BTBD9: variants seen among roughly 807,000 people sequenced by gnomAD.
BTBD9 encodes BTB domain containing 9.
In BTBD9, 49 loss-of-function variants were observed where a neutral mutation model predicts 64.3. The ratio of observed to expected loss-of-function variants is 0.76; its 90% CI spans 0.61 to 0.97. The LOEUF (loss-of-function observed/expected upper bound fraction) is 0.97, where lower values mean the gene tolerates loss of function less well. Among genes scored for constraint, BTBD9 ranks in the 50% least tolerant of loss-of-function variants. The pLI is 0.00. For missense variants in BTBD9, 598 were observed against 762.1 expected, an observed-to-expected ratio of 0.78 and a Z score of 2.53; for synonymous variants, 260 against 274.7, an observed-to-expected ratio of 0.95 and a Z score of 0.53.
intron 6 of BTBD9, among the ~76,000 whole-genome samples, chr6:38,480,677 G>A (rs998255259): frequency 2.6e-5 from 4 of 152,172 alleles, no homozygotes; most frequent in African/African-American, 9.7e-5. Context: ...ACTGTTCTAA[G>A]TAATGGAAGT....
At chr6:38,587,880 C>T (rs759158643) in intron 4 of BTBD9, 35 of 721,644 alleles carry the variant, frequency 4.9e-5, no homozygotes, top group Admixed American at 8.9e-5. Context: ...AATGTTACGT[C>T]GGCATTTGGC....
At chr6:38,361,979 G>C (rs1254751151) in intron 6 of BTBD9, among the ~76,000 whole-genome samples, 1 of 151,956 alleles carries the variant, frequency 6.6e-6, no homozygotes, top group Admixed American at 6.5e-5. Context: ...TTTCAATGTA[G>C]AGGACCCAAC....
chr6:38,475,230 T>C (rs1421571042), intron 6 of BTBD9, among the ~76,000 whole-genome samples: 1 of 152,206 alleles, frequency 6.6e-6, no homozygotes, highest in African/African-American at 2.4e-5. Context: ...GACTATAAGA[T>C]TATGGGTGAT....
intron 6 of BTBD9, among the ~76,000 whole-genome samples, chr6:38,572,167 A>G (rs1775800271): frequency 6.6e-6 from 1 of 152,104 alleles, no homozygotes; most frequent in South Asian, 2.1e-4. Context: ...TAATTATGTG[A>G]TGTGCTTATT....
chr6:38,598,470 A>C (rs1324300129), intron 1 of BTBD9, among the ~76,000 whole-genome samples: 1 of 152,238 alleles, frequency 6.6e-6, no homozygotes, highest in Non-Finnish European at 1.5e-5. Flanking sequence ...TCTCTTTTAC[A>C]TAGATATATT....
intron 6 of BTBD9, among the ~76,000 whole-genome samples, chr6:38,537,527 C>A (rs1269464850): frequency 6.6e-6 from 1 of 152,174 alleles, no homozygotes; most frequent in Non-Finnish European, 1.5e-5. Flanking sequence ...GTTAATCTTC[C>A]ATTTTAACAC....
At chr6:38,430,756 C>T (rs1768407704) in intron 6 of BTBD9, among the ~76,000 whole-genome samples, 1 of 151,860 alleles carries the variant, frequency 6.6e-6, no homozygotes, top group African/African-American at 2.4e-5. Flanking sequence ...CTCAAGTGAT[C>T]CTCCAGCCTC....
intron 6 of BTBD9, among the ~76,000 whole-genome samples, chr6:38,468,964 T>C (rs538235333): frequency 1.3e-5 from 2 of 152,304 alleles, no homozygotes; most frequent in African/African-American, 2.4e-5. Context: ...GATTTGGGAC[T>C]CAGAGGATTA....
Position 38,594,028 on chromosome 6 carries a change from C to T in BTBD9, c.485G>A (p.Cys162Tyr). Residue 162 changes from cysteine to tyrosine, a missense_variant, in exon 3 of 11, where the codon TGC (cysteine) becomes TAC (tyrosine). Transcript: ENST00000481247. ...CTGAGCATTCCTATCCATAAACATG[C>T]AGCACATACAAGTTAACTTGGGAAG... ...YSLPKLTCMC[C>Y]MFMDRNAQEV... The T allele has an allele frequency of 6.2e-7, 1 of 1,614,096 alleles. No homozygotes were observed. The highest frequency in any genetic ancestry group is 8.5e-7 in the Non-Finnish European group (1 of 1,179,978).
In BTBD9 at chr6:38,382,465, T is replaced by A. The variant is rs185659683; in HGVS notation, c.1155-37372A>T. ...GCAGCCTGGGGAGGCTGCAGTGAGC[T>A]GAGATTGTGCCATTGCACTCCAGCC... On this transcript the variant is annotated intron_variant, in intron 6 of 10. Coordinates refer to ENST00000481247, the MANE Select transcript of BTBD9 (RefSeq NM_001099272.2). Among the ~76,000 whole-genome samples the A allele has an allele frequency of 6.8e-4, 100 of 147,324 alleles. 1 individual carries two copies. The East Asian group carries it at 0.011, about 17-fold the overall frequency.
intron 1 of BTBD9, among the ~76,000 whole-genome samples, chr6:38,627,625 T>A (rs1699002): frequency 6.6e-6 from 1 of 151,942 alleles, no homozygotes; most frequent in African/African-American, 2.4e-5. Context: ...TTCAAAGAGG[T>A]GGAACTGGAT....
intron 2 of BTBD9, chr6:38,595,695 G>GA: frequency 1.2e-6 from 1 of 860,224 alleles, no homozygotes; most frequent in Non-Finnish European, 1.4e-6. Context: ...CCTCCCCCAG[G>GA]ACCTAGCATT....
At chr6:38,545,837 AAC>A (rs1233030307) in intron 6 of BTBD9, among the ~76,000 whole-genome samples, 65 of 112,812 alleles carry the variant, frequency 5.8e-4, no homozygotes, top group East Asian at 1.6e-3. Flanking sequence ...TAATATTTAA[AAC>A]ACACACACAC....
intron 6 of BTBD9, among the ~76,000 whole-genome samples, chr6:38,397,540 T>C (rs1007210959): frequency 3.3e-5 from 5 of 152,186 alleles, no homozygotes; most frequent in African/African-American, 1.2e-4. Flanking sequence ...CTGTTGTGAA[T>C]TTCAGGTGCC....
chr6:38,501,274 G>T (rs752248573), intron 6 of BTBD9, among the ~76,000 whole-genome samples: 3 of 152,110 alleles, frequency 2.0e-5, no homozygotes, highest in Admixed American at 1.3e-4. Flanking sequence ...CCAACATGAT[G>T]AGCAAAGAAA....
rs1761736061 is a variant in BTBD9, at chr6:38,184,622, G to A, written c.1641+7897C>T. ...CTGGCCCTGGGGCCAGCATGTGACT[G>A]CTTTGAGGTGCTTCTGGGCTGAGAC... On this transcript the variant is annotated intron_variant, in intron 10 of 10. Coordinates refer to ENST00000481247, the MANE Select transcript of BTBD9 (RefSeq NM_001099272.2). This position sits in a 1 kb window ranked among gnomAD's most constrained non-coding sequence, Gnocchi z 4.4. 6.6e-6 allele frequency among the ~76,000 whole-genome samples: 1 copy of A among 152,146 alleles called. No individual in the cohort carries two copies. The highest frequency in any genetic ancestry group is 2.1e-4 in the South Asian group (1 of 4,822).
At chr6:38,217,233 C>A (rs1000690282) in intron 9 of BTBD9, among the ~76,000 whole-genome samples, 1 of 146,086 alleles carries the variant, frequency 6.8e-6, no homozygotes, top group African/African-American at 2.5e-5. Flanking sequence ...GCAGGAGAAT[C>A]GCTTGAACCC....
chr6:38,303,868 T>C lies in BTBD9; in HGVS notation c.1265-15407A>G, dbSNP rs913612565. 6.8e-5 allele frequency among the ~76,000 whole-genome samples: 8 copies of C among 117,188 alleles called. No homozygotes were observed. The South Asian group carries it at 1.5e-3, about 22-fold the overall frequency. The allele number at this position is 117,188 out of a possible 152,430, so 76.9% of individuals were successfully genotyped here. On this transcript the variant is annotated intron_variant, in intron 7 of 10. Coordinates refer to ENST00000481247, the MANE Select transcript of BTBD9 (RefSeq NM_001099272.2). ...ATATATATATATATATATATATATA[T>C]ATATATACACACACACACATGTGTA...
intron 6 of BTBD9, among the ~76,000 whole-genome samples, chr6:38,495,814 G>A (rs61088409): frequency 0.083 from 12,548 of 151,756 alleles, 709 homozygotes; most frequent in African/African-American, 0.15. Flanking sequence ...TAACAGCCCC[G>A]TGGGGATGAT....
Sources: gnomAD v4.1 joint callset for allele counts (sites outside exome capture counted in the v4.1 genomes callset) on GRCh38, gnomAD v4.1.1 for gene constraint, Gnocchi (gnomAD v3.1) non-coding constraint, MANE v1.5 for transcripts, NCBI Gene and HGNC (gene_info 2026-07-23, HGNC 2026-07-21) for gene names.